Variants in RIMS2 observed in about 807,000 individuals in gnomAD.
RIMS2 encodes regulating synaptic membrane exocytosis 2.
RIMS2 carries 59 observed loss-of-function variants against 174.4 expected under a neutral mutation model. That is an observed-to-expected ratio of 0.34 (90% confidence interval 0.27 to 0.42). RIMS2 has a LOEUF of 0.42. Ranked by LOEUF, RIMS2 falls within the 10% of genes least tolerant of loss-of-function variation. The pLI is 1.00. For missense variants in RIMS2, 1,620 were observed against 1,666.3 expected, an observed-to-expected ratio of 0.97 and a Z score of 0.48; for synonymous variants, 606 against 572.5, an observed-to-expected ratio of 1.06 and a Z score of -0.84.
At chr8:103,633,829 G>A (rs538441473) in intron 1 of RIMS2, among the ~76,000 whole-genome samples, 4 of 152,290 alleles carry the variant, frequency 2.6e-5, no homozygotes, top group Admixed American at 1.3e-4. Context: ...AGAGGTTTTT[G>A]TAGTAGTTTC....
intron 3 of RIMS2, among the ~76,000 whole-genome samples, chr8:103,824,896 C>G (rs570491374): frequency 1.7e-4 from 26 of 152,300 alleles, no homozygotes; most frequent in Admixed American, 1.2e-3. Flanking sequence ...ATAAGGAAAA[C>G]TGCTGCATTT....
At chr8:103,987,268 T>C (rs1235906875) in intron 16 of RIMS2, among the ~76,000 whole-genome samples, 1 of 152,146 alleles carries the variant, frequency 6.6e-6, no homozygotes, top group Non-Finnish European at 1.5e-5. Flanking sequence ...TGTGCCTCTG[T>C]GCCCAGCTTA....
intron 3 of RIMS2, among the ~76,000 whole-genome samples, chr8:103,772,569 T>C (rs1453686552): frequency 1.3e-5 from 2 of 152,116 alleles, no homozygotes; most frequent in Non-Finnish European, 2.9e-5. Flanking sequence ...CAACTCAATA[T>C]TGTTAAGATG....
At chr8:103,673,972 T>C (rs2096777312) in intron 1 of RIMS2, among the ~76,000 whole-genome samples, 1 of 152,218 alleles carries the variant, frequency 6.6e-6, no homozygotes, top group African/African-American at 2.4e-5. Flanking sequence ...TCTTGAACTT[T>C]TTGCTGCTTA....
chr8:104,051,764 A>G (rs1241069743), intron 19 of RIMS2, among the ~76,000 whole-genome samples: 1 of 152,224 alleles, frequency 6.6e-6, no homozygotes, highest in Non-Finnish European at 1.5e-5. Context: ...CCTACTAGTT[A>G]TATGACCTTG....
At chr8:103,936,757 T>A in intron 13 of RIMS2, 35 bp downstream of exon 15, 1 of 1,452,030 alleles carries the variant, frequency 6.9e-7, no homozygotes, top group Non-Finnish European at 9.4e-7. Flanking sequence ...ATGCTATTCA[T>A]GTTATCCTGA....
chr8:104,134,673 A>T (rs1337089528), intron 19 of RIMS2, among the ~76,000 whole-genome samples: 1 of 152,216 alleles, frequency 6.6e-6, no homozygotes, highest in Non-Finnish European at 1.5e-5. Context: ...CACAAATAAG[A>T]TTAATTTTTT....
intron 2 of RIMS2, among the ~76,000 whole-genome samples, chr8:103,733,989 C>T (rs1186537477): frequency 1.5e-5 from 2 of 130,064 alleles, no homozygotes; most frequent in African/African-American, 5.9e-5. Flanking sequence ...ATGTGGCCAT[C>T]TTGCTTTACC....
At chr8:103,915,975 C>T (rs1180499134) in intron 7 of RIMS2, among the ~76,000 whole-genome samples, 2 of 151,730 alleles carry the variant, frequency 1.3e-5, no homozygotes, top group African/African-American at 4.8e-5. Context: ...TTGGAGAAAT[C>T]CTTGAGTACC....
chr8:104,103,541 T>G (rs2097953503), intron 19 of RIMS2, among the ~76,000 whole-genome samples: 1 of 152,224 alleles, frequency 6.6e-6, no homozygotes, highest in South Asian at 2.1e-4. Context: ...GCATATTTTC[T>G]TTTATTCTAA....
At chr8:103,964,358 C>A (rs950574046) in intron 15 of RIMS2, among the ~76,000 whole-genome samples, 10 of 152,236 alleles carry the variant, frequency 6.6e-5, no homozygotes, top group African/African-American at 2.4e-4. Flanking sequence ...TCTGACCATT[C>A]CAATAGGTGT....
intron 19 of RIMS2, among the ~76,000 whole-genome samples, chr8:104,021,447 G>A (rs1348269656): frequency 6.6e-6 from 1 of 152,120 alleles, no homozygotes; most frequent in Non-Finnish European, 1.5e-5. Context: ...GAAAGGAAAT[G>A]TTGATATGTA....
At chr8:103,694,384 C>T (rs2137181150) in intron 1 of RIMS2, among the ~76,000 whole-genome samples, 1 of 152,000 alleles carries the variant, frequency 6.6e-6, no homozygotes, top group Non-Finnish European at 1.5e-5. Flanking sequence ...CTGGTGCCAT[C>T]CTGGAGGCTG....
At chr8:104,131,756 C>T (rs73699073) in intron 19 of RIMS2, among the ~76,000 whole-genome samples, 6,993 of 152,154 alleles carry the variant, frequency 0.046, 544 homozygotes, top group African/African-American at 0.16. Flanking sequence ...GAGAGAAAAA[C>T]ATATGCACAG....
At chr8:103,677,781 G>C (rs2096833737) in intron 1 of RIMS2, among the ~76,000 whole-genome samples, 1 of 152,154 alleles carries the variant, frequency 6.6e-6, no homozygotes, top group Non-Finnish European at 1.5e-5. Context: ...AGAGACTCCA[G>C]TGCTTCTGTG....
At chr8:104,204,535 T>C (rs1272537474) in intron 19 of RIMS2, among the ~76,000 whole-genome samples, 1 of 151,866 alleles carries the variant, frequency 6.6e-6, no homozygotes, top group Non-Finnish European at 1.5e-5. Flanking sequence ...ATTGTGACTA[T>C]ATTAAAAAAT....
intron 19 of RIMS2, among the ~76,000 whole-genome samples, chr8:104,116,558 G>A (rs1310841702): frequency 2.6e-5 from 4 of 152,092 alleles, no homozygotes; most frequent in Non-Finnish European, 4.4e-5. Context: ...TCTTTAAAAT[G>A]CAAAATTATA....
intron 4 of RIMS2, among the ~76,000 whole-genome samples, chr8:103,909,397 T>A (rs769469313): frequency 2.6e-5 from 4 of 152,112 alleles, no homozygotes; most frequent in Non-Finnish European, 5.9e-5. Context: ...AGTTGCCAAT[T>A]ACATAAATTG....
chr8:103,876,864 T>TTA (rs199997824), intron 3 of RIMS2, among the ~76,000 whole-genome samples: 1,000 of 67,430 alleles, frequency 0.015, 16 homozygotes, highest in East Asian at 0.039. Context: ...ACACACTATT[T>TTA]TATATATATA....
Sources: allele counts gnomAD v4.1 joint callset (sites outside exome capture counted in the v4.1 genomes callset), GRCh38; gene constraint gnomAD v4.1.1; transcripts MANE v1.5; gene names NCBI Gene and HGNC (gene_info 2026-07-23, HGNC 2026-07-21).